The following DAZAP1 variants were observed in gnomAD, a reference collection of about 807,000 sequenced individuals.
DAZAP1 encodes DAZ associated protein 1.
DAZAP1 carries 6 observed loss-of-function variants against 60.1 expected under a neutral mutation model. The observed-to-expected ratio is 0.10, with a 90% confidence interval of 0.05 to 0.20. The LOEUF is 0.20. Ranked by LOEUF, DAZAP1 falls within the 10% of genes least tolerant of loss-of-function variation. The pLI is 1.00. For synonymous variants in DAZAP1, 235 were observed against 215.9 expected, an observed-to-expected ratio of 1.09 and a Z score of -0.78; for missense variants, 366 against 560.4, an observed-to-expected ratio of 0.65 and a Z score of 3.50.
Position 1,433,629 on chromosome 19 carries a change from C to A in DAZAP1, c.1048+939C>A. Reference sequence around the variant, plus strand: ...CACTCACCACCAAACCCTGGCGTGTCTGAGACTGGCAGGGGGGTGTGAGGC... The same window carrying A: ...CACTCACCACCAAACCCTGGCGTGTATGAGACTGGCAGGGGGGTGTGAGGC... On this transcript the variant is annotated intron_variant, in intron 11 of 11. Transcript: ENST00000233078. This position sits in a 1 kb window ranked among gnomAD's most constrained non-coding sequence, Gnocchi z 6.1. The A allele has an allele frequency of 1.2e-6, 1 of 867,540 alleles. No homozygotes were observed. The highest frequency in any genetic ancestry group is 1.5e-5 in the South Asian group (1 of 68,142). The allele number at this position is 867,540 out of a possible 1,614,324, so 53.7% of individuals were successfully genotyped here.
chr19:1,411,466 G>C (rs1352952771), intron 1 of DAZAP1, among the ~76,000 whole-genome samples: 1 of 152,240 alleles, frequency 6.6e-6, no homozygotes, highest in Non-Finnish European at 1.5e-5. Context: ...GCTGCTCCTT[G>C]TGGTTTATGG....
In DAZAP1 at chr19:1,423,471, G is replaced by A. The variant is rs1456349790; in HGVS notation, c.463+1075G>A. Among the ~76,000 whole-genome samples, 2 of 152,140 alleles carry A rather than the reference G, an allele frequency of 1.3e-5. No homozygotes were observed. The highest frequency in any genetic ancestry group is 1.9e-4 in the East Asian group (1 of 5,188). On this transcript the variant is annotated intron_variant, in intron 6 of 11. Coordinates refer to ENST00000233078, the MANE Select transcript of DAZAP1 (RefSeq NM_018959.4). This position sits in a 1 kb window ranked among gnomAD's most constrained non-coding sequence, Gnocchi z 6.8. Reference sequence around the variant, plus strand: ...TATCACACAGGTACAGGCCAGTCCCGCAGTCAGAGGAGGGAGCGGCTTTGC... The same window carrying A: ...TATCACACAGGTACAGGCCAGTCCCACAGTCAGAGGAGGGAGCGGCTTTGC...
chr19:1,412,862 C>T (rs532852265), intron 1 of DAZAP1, among the ~76,000 whole-genome samples: 2 of 152,332 alleles, frequency 1.3e-5, no homozygotes, highest in Admixed American at 1.3e-4. Context: ...TTCATCATGA[C>T]CTTTGATGGG....
chr19:1,432,267 G>A lies in DAZAP1; in HGVS notation c.872-247G>A. ...GCCCACCTGGCGGCTGCTCCGTGAGGAACGAGGTGGCCCTGCTGCAGCTCA... is the reference window on the plus strand; with the variant it reads ...GCCCACCTGGCGGCTGCTCCGTGAGAAACGAGGTGGCCCTGCTGCAGCTCA... On this transcript the variant is annotated intron_variant, in intron 10 of 11. Transcript: ENST00000233078. The surrounding 1 kb of genome is among the most constrained non-coding windows in gnomAD (Gnocchi z 4.9). 1.8e-6 allele frequency: 1 copy of A among 550,310 alleles called. No individual in the cohort carries two copies. The highest frequency in any genetic ancestry group is 3.2e-6 in the Non-Finnish European group (1 of 310,614). The allele number at this position is 550,310 out of a possible 1,614,324, so 34.1% of individuals were successfully genotyped here. A position where few individuals can be genotyped will look rare whatever the true frequency, so the allele number is the denominator to read the frequency against.
At position 1,433,646 on chromosome 19, in the gene DAZAP1, G is replaced by A. The variant is rs2083514476; in HGVS notation, c.1048+956G>A. The A allele has an allele frequency of 6.8e-6, 7 of 1,023,098 alleles. No individual in the cohort carries two copies. In the Admixed American group the frequency reaches 1.3e-4, roughly 18 times the overall value. 63.4% of individuals were successfully genotyped at this position (1,023,098 alleles called of 1,614,324 possible). The stretch of plus-strand genomic sequence containing the variant: ...TGGCGTGTCTGAGACTGGCAGGGGG[G>A]TGTGAGGCGCCCGGTTGGGGCGTGG... On this transcript the variant is annotated intron_variant, in intron 11 of 11. Coordinates refer to ENST00000233078, the MANE Select transcript of DAZAP1 (RefSeq NM_018959.4). The surrounding 1 kb of genome is among the most constrained non-coding windows in gnomAD (Gnocchi z 6.1).
intron 1 of DAZAP1, among the ~76,000 whole-genome samples, chr19:1,413,512 C>T (rs1196275463): frequency 1.3e-5 from 2 of 152,364 alleles, no homozygotes; most frequent in South Asian, 2.1e-4. Flanking sequence ...CCCTGCTTTC[C>T]GGGACTTCCC....
chr19:1,418,855 C>T lies in DAZAP1; in HGVS notation c.303+124C>T. 1 of 973,484 alleles carries T rather than the reference C, an allele frequency of 1.0e-6. No individual in the cohort carries two copies. Among genetic ancestry groups the T allele is most frequent in the Non-Finnish European group, 1.5e-6 (1 of 655,082 alleles). The allele number at this position is 973,484 out of a possible 1,614,324, so 60.3% of individuals were successfully genotyped here. On this transcript the variant is annotated intron_variant, in intron 4 of 11. Coordinates refer to ENST00000233078, the MANE Select transcript of DAZAP1 (RefSeq NM_018959.4). This position sits in a 1 kb window ranked among gnomAD's most constrained non-coding sequence, Gnocchi z 5.7. ...GGGCGACGCAGGTCTTCTGGGTTGG[C>T]ACTCGAGCAGCTGAGGATCACCCAG...
chr19:1,430,581 G>A (rs950171286), intron 10 of DAZAP1, among the ~76,000 whole-genome samples: 1 of 152,202 alleles, frequency 6.6e-6, no homozygotes, highest in Admixed American at 6.5e-5. Context: ...GGGCTCCTGC[G>A]GGTTGGAGAG....
In DAZAP1 at chr19:1,416,459, A is replaced by G. The variant is rs1874211003; in HGVS notation, c.30-1041A>G. 6.6e-6 allele frequency: 1 copy of G among 152,170 alleles called. No homozygotes were observed. Among genetic ancestry groups the G allele is most frequent in the Non-Finnish European group, 1.5e-5 (1 of 68,028 alleles). The allele number at this position is 152,170 out of a possible 1,614,324, so 9.4% of individuals were successfully genotyped here. A position where few individuals can be genotyped will look rare whatever the true frequency, so the allele number is the denominator to read the frequency against. On this transcript the variant is annotated intron_variant, in intron 1 of 11. Coordinates refer to ENST00000233078, the MANE Select transcript of DAZAP1 (RefSeq NM_018959.4). This position sits in a 1 kb window ranked among gnomAD's most constrained non-coding sequence, Gnocchi z 4.3. ...TGAATGCGTGTCCTCTTTCCCAGGG[A>G]AAGCAGGCAGGATGGGAGAGTCGCC...
intron 4 of DAZAP1, among the ~76,000 whole-genome samples, chr19:1,420,663 CTG>C: frequency 2.0e-5 from 3 of 152,248 alleles, no homozygotes; most frequent in Middle Eastern, 6.8e-3. Flanking sequence ...GCAGAAGGGG[CTG>C]TGTGGTTTGG....
chr19:1,415,996 A>T (rs1180565809), intron 1 of DAZAP1: 2 of 152,276 alleles, frequency 1.3e-5, no homozygotes, highest in African/African-American at 4.8e-5. Context: ...TTCTTAGGGA[A>T]AAAAGAAGGA....
Position 1,433,911 on chromosome 19 carries a change from G to T in DAZAP1, c.1049-826G>T. 1 of 1,276,046 alleles carries T rather than the reference G, an allele frequency of 7.8e-7. No individual in the cohort carries two copies. The highest frequency in any genetic ancestry group is 2.3e-5 in the East Asian group (1 of 42,750). 79.0% of individuals were successfully genotyped at this position (1,276,046 alleles called of 1,614,324 possible). ...GGCTTCCTCTGCCGTCCCGGGCGGG[G>T]GTGGACGCTGGCGGTGCCCTCTGGG... is the stretch of plus-strand genomic sequence containing the variant. On this transcript the variant is annotated intron_variant, in intron 11 of 11. Transcript: ENST00000233078. This position sits in a 1 kb window ranked among gnomAD's most constrained non-coding sequence, Gnocchi z 6.1.
chr19:1,432,751 C>T lies in DAZAP1; in HGVS notation c.1048+61C>T. The T allele has an allele frequency of 6.7e-7, 1 of 1,501,100 alleles. No homozygotes were observed. The highest frequency in any genetic ancestry group is 1.4e-5 in the African/African-American group (1 of 71,604). 93.0% of individuals were successfully genotyped at this position (1,501,100 alleles called of 1,614,324 possible). On this transcript the variant is annotated intron_variant, in intron 11 of 11. Coordinates refer to ENST00000233078, the MANE Select transcript of DAZAP1 (RefSeq NM_018959.4). The surrounding 1 kb of genome is among the most constrained non-coding windows in gnomAD (Gnocchi z 4.9). ...CCCCAGGACCCTGGGCACGGCCTGCCTTCTTCTGCTTCCTCCCCTGCTGGA... is the reference window on the plus strand; with the variant it reads ...CCCCAGGACCCTGGGCACGGCCTGCTTTCTTCTGCTTCCTCCCCTGCTGGA...
intron 4 of DAZAP1, among the ~76,000 whole-genome samples, chr19:1,419,412 G>A (rs1230861006): frequency 6.6e-6 from 1 of 152,216 alleles, no homozygotes; most frequent in Non-Finnish European, 1.5e-5. Flanking sequence ...CAGCAGGGTG[G>A]GGTCTATATG....
chr19:1,433,031 G>T lies in DAZAP1; in HGVS notation c.1048+341G>T. 1 of 262,768 alleles carries T rather than the reference G, an allele frequency of 3.8e-6. No homozygotes were observed. The allele number at this position is 262,768 out of a possible 1,614,324, so 16.3% of individuals were successfully genotyped here. A position where few individuals can be genotyped will look rare whatever the true frequency, so the allele number is the denominator to read the frequency against. ...GGTTCAGGCCCTCGGTGTGGGTCCC[G>T]GGTGCACTGGCCCCTTGGTGGGTTC... On this transcript the variant is annotated intron_variant, in intron 11 of 11. Coordinates refer to ENST00000233078, the MANE Select transcript of DAZAP1 (RefSeq NM_018959.4). This position sits in a 1 kb window ranked among gnomAD's most constrained non-coding sequence, Gnocchi z 6.1.
At position 1,430,270 on chromosome 19, in the gene DAZAP1, C is replaced by CCCCCGGA; in HGVS notation, c.779_780insCCCCGGA (p.Phe262GlyfsTer167). 4 of 1,368,642 alleles carry CCCCCGGA rather than the reference C, an allele frequency of 2.9e-6. No homozygotes were observed. Among genetic ancestry groups the CCCCCGGA allele is most frequent in the Non-Finnish European group, 4.1e-6 (4 of 979,196 alleles). 84.8% of individuals were successfully genotyped at this position (1,368,642 alleles called of 1,614,324 possible). A position where few individuals can be genotyped will look rare whatever the true frequency, so the allele number is the denominator to read the frequency against. On this transcript the variant is annotated frameshift_variant, in exon 10 of 12. Coordinates refer to ENST00000233078, the MANE Select transcript of DAZAP1 (RefSeq NM_018959.4). LOFTEE classifies it high-confidence loss of function. ...GGAAGAGGAGCCCCCCCGCCACCCC[C>CCCCCGGA]ACCGTTCACCTCCTACATCGTGTCC...
intron 6 of DAZAP1, among the ~76,000 whole-genome samples, chr19:1,424,811 C>G (rs959781011): frequency 1.3e-5 from 2 of 152,238 alleles, no homozygotes; most frequent in Non-Finnish European, 2.9e-5. Flanking sequence ...GGGCAGCTGT[C>G]TGCCGGGCAC....
intron 1 of DAZAP1, among the ~76,000 whole-genome samples, chr19:1,408,746 C>A (rs752199400): frequency 1.3e-5 from 2 of 152,246 alleles, no homozygotes; most frequent in Non-Finnish European, 2.9e-5. Context: ...AGGAGCCTGA[C>A]CTGCTCCGGA....
chr19:1,408,939 C>G (rs1039701379), intron 1 of DAZAP1, among the ~76,000 whole-genome samples: 2 of 152,240 alleles, frequency 1.3e-5, no homozygotes, highest in Non-Finnish European at 1.5e-5. Context: ...GAGCAGCGCC[C>G]TGTGTTCTCA....
Sources: allele counts gnomAD v4.1 joint callset (sites outside exome capture counted in the v4.1 genomes callset), GRCh38; gene constraint gnomAD v4.1.1; non-coding constraint Gnocchi (gnomAD v3.1); transcripts MANE v1.5; gene names NCBI Gene and HGNC (gene_info 2026-07-23, HGNC 2026-07-21).